The following TACR3 variants were observed in gnomAD, a reference collection of about 807,000 sequenced individuals.
TACR3 encodes tachykinin receptor 3.
Under a neutral mutation model 35.0 loss-of-function variants are expected in TACR3, and 34 were observed. The observed-to-expected ratio is 0.97, with a 90% CI of 0.74 to 1.30. The LOEUF is 1.30. Among genes scored for constraint, TACR3 ranks in the 50% most tolerant of loss-of-function variants. The pLI is 0.00. For missense variants in TACR3, 558 were observed against 591.7 expected (o/e 0.94, Z 0.59); for synonymous variants, 233 against 221.1 (o/e 1.05, Z -0.48).
intron 3 of TACR3, among the ~76,000 whole-genome samples, chr4:103,612,521 T>C (rs1560806523): frequency 6.6e-6 from 1 of 151,800 alleles, no homozygotes; most frequent in Non-Finnish European, 1.5e-5. Context: ...TTTTTTCTTG[T>C]GGTTATTTTT....
intron 3 of TACR3, among the ~76,000 whole-genome samples, chr4:103,611,005 A>C (rs1372092420): frequency 6.6e-6 from 1 of 152,134 alleles, no homozygotes; most frequent in Non-Finnish European, 1.5e-5. Context: ...GGCTAGTATC[A>C]TGCTGCTTTC....
At chr4:103,597,889 T>C (rs149021027) in intron 3 of TACR3, among the ~76,000 whole-genome samples, 2,079 of 152,298 alleles carry the variant, frequency 0.014, 42 homozygotes, top group African/African-American at 0.045. Context: ...TCTTTGCTAT[T>C]GTGAATAGTG....
intron 1 of TACR3, among the ~76,000 whole-genome samples, chr4:103,716,960 G>T (rs1036057551): frequency 6.6e-6 from 1 of 152,088 alleles, no homozygotes; most frequent in African/African-American, 2.4e-5. Context: ...CCTCAGAAAG[G>T]TTTTCTTTAA....
At chr4:103,618,097 T>C (rs1206898729) in intron 3 of TACR3, among the ~76,000 whole-genome samples, 1 of 152,180 alleles carries the variant, frequency 6.6e-6, no homozygotes, top group Non-Finnish European at 1.5e-5. Flanking sequence ...AAAATAATTC[T>C]ATTTGTGTTT....
intron 1 of TACR3, among the ~76,000 whole-genome samples, chr4:103,711,680 A>C (rs1192135489): frequency 6.6e-6 from 1 of 152,166 alleles, no homozygotes; most frequent in Non-Finnish European, 1.5e-5. Context: ...AGGGTATTCA[A>C]TTAGGAAAAG....
At chr4:103,597,788 T>A (rs1346581874) in intron 3 of TACR3, among the ~76,000 whole-genome samples, 1 of 152,228 alleles carries the variant, frequency 6.6e-6, no homozygotes, top group Non-Finnish European at 1.5e-5. Context: ...GAACTCATCA[T>A]AATTTATGGC....
intron 1 of TACR3, among the ~76,000 whole-genome samples, chr4:103,713,733 G>A (rs1723024469): frequency 6.6e-6 from 1 of 152,086 alleles, no homozygotes; most frequent in Non-Finnish European, 1.5e-5. Flanking sequence ...ATTGGTTGGG[G>A]ACAGGAAATA....
intron 3 of TACR3, among the ~76,000 whole-genome samples, chr4:103,652,239 G>C (rs1157271380): frequency 6.6e-6 from 1 of 152,154 alleles, no homozygotes; most frequent in Non-Finnish European, 1.5e-5. Context: ...GCCCACTGTG[G>C]TGAGGCGTGG....
At chr4:103,617,825 A>G (rs968430704) in intron 3 of TACR3, among the ~76,000 whole-genome samples, 4 of 152,196 alleles carry the variant, frequency 2.6e-5, no homozygotes, top group Admixed American at 1.3e-4. Context: ...ATATATAATG[A>G]TTATTTTTTA....
rs1723899858 is a variant in TACR3, at chr4:103,591,652, G to A, written c.920C>T (p.Thr307Ile). ...ATAGGGCAGCCAGCAGATAGCAAATGTCATGACAACAATAATCATCATTTT... is the reference window on the plus strand; with the variant it reads ...ATAGGGCAGCCAGCAGATAGCAAATATCATGACAACAATAATCATCATTTT... ...VVKMMIIVVM[T>I]FAICWLPYHI... The change falls in exon 4 of 5, where the codon ACA (threonine) becomes ATA (isoleucine). Residue 307 changes from threonine to isoleucine, a missense_variant. Transcript: ENST00000304883. The A allele has an allele frequency of 2.5e-6, 4 of 1,613,382 alleles. No individual in the cohort carries two copies. The highest frequency in any genetic ancestry group is 2.2e-5 in the East Asian group (1 of 44,784).
At chr4:103,598,199 G>A (rs865803639) in intron 3 of TACR3, among the ~76,000 whole-genome samples, 1 of 152,126 alleles carries the variant, frequency 6.6e-6, no homozygotes, top group South Asian at 2.1e-4. Flanking sequence ...TTCTCTGATG[G>A]CCAGTGATGG....
chr4:103,651,268 C>A (rs925635555), intron 3 of TACR3, among the ~76,000 whole-genome samples: 1 of 151,454 alleles, frequency 6.6e-6, no homozygotes, highest in South Asian at 2.1e-4. Context: ...ACTTTGTGTT[C>A]TATTGTACTG....
At position 103,656,278 on chromosome 4, in the gene TACR3, GGT is replaced by G; in HGVS notation, c.802_803del (p.Thr268HisfsTer17). On this transcript the variant is annotated frameshift_variant, in exon 3 of 5. Coordinates refer to ENST00000304883, the MANE Select transcript of TACR3 (RefSeq NM_001059.3). LOFTEE classifies it high-confidence loss of function. ...FPLLIMGITY[T>X]IVGITLWGGE... ...CTCCCCAGAGAGTAATTCCAACAAT[GGT>G]GTATGTAATACCCATGATGAGCAAT... 6.2e-7 allele frequency: 1 copy of G among 1,612,802 alleles called. No individual in the cohort carries two copies. The highest frequency in any genetic ancestry group is 8.5e-7 in the Non-Finnish European group (1 of 1,179,220).
chr4:103,630,944 T>C (rs1290162730), intron 3 of TACR3, among the ~76,000 whole-genome samples: 1 of 152,156 alleles, frequency 6.6e-6, no homozygotes, highest in Non-Finnish European at 1.5e-5. Context: ...TGTCCATCAA[T>C]GATAGACTGG....
rs147055463 is a variant in TACR3 at position 103,684,537 on chromosome 4, T to C, written c.549-26134A>G. 2.4e-3 allele frequency among the ~76,000 whole-genome samples: 369 copies of C among 152,098 alleles called. 1 individual carries two copies. Among genetic ancestry groups the C allele is most frequent in the African/African-American group, 8.3e-3 (345 of 41,512 alleles). The stretch of plus-strand genomic sequence containing the variant: ...CATGATGAAAACTGCAAAATACTGA[T>C]AAAAAAATAAAGACCGAAATAGGTG... On this transcript the variant is annotated intron_variant, in intron 1 of 4. Coordinates refer to ENST00000304883, the MANE Select transcript of TACR3 (RefSeq NM_001059.3).
At chr4:103,602,022 C>G (rs1482349950) in intron 3 of TACR3, among the ~76,000 whole-genome samples, 1 of 152,210 alleles carries the variant, frequency 6.6e-6, no homozygotes, top group Non-Finnish European at 1.5e-5. Flanking sequence ...TTCAGGTACA[C>G]CAATCAGACG....
chr4:103,698,295 C>T (rs1052482689), intron 1 of TACR3, among the ~76,000 whole-genome samples: 24 of 151,994 alleles, frequency 1.6e-4, no homozygotes, highest in African/African-American at 5.3e-4. Flanking sequence ...TTCATTTATA[C>T]ACCTGGGATT....
At chr4:103,645,466 A>G (rs907395188) in intron 3 of TACR3, among the ~76,000 whole-genome samples, 1 of 130,358 alleles carries the variant, frequency 7.7e-6, no homozygotes, top group East Asian at 2.1e-4. Context: ...TGAAATGTAT[A>G]GCCACAGGAA....
intron 3 of TACR3, among the ~76,000 whole-genome samples, chr4:103,597,920 C>T (rs1724077924): frequency 1.3e-5 from 2 of 152,130 alleles, no homozygotes; most frequent in African/African-American, 4.8e-5. Context: ...CATACGTGTG[C>T]ATGTGTCTTT....
Sources: gnomAD v4.1 joint callset for allele counts (sites outside exome capture counted in the v4.1 genomes callset) on GRCh38, gnomAD v4.1.1 for gene constraint, MANE v1.5 for transcripts, NCBI Gene and HGNC (gene_info 2026-07-23, HGNC 2026-07-21) for gene names.